SPTBN1: variants seen among roughly 807,000 people sequenced by gnomAD.
SPTBN1 encodes spectrin beta chain, non-erythrocytic 1.
A neutral mutation model predicts 266.4 loss-of-function variants in SPTBN1; 32 were observed. The ratio of observed to expected loss-of-function variants is 0.12; its 90% CI spans 0.09 to 0.16. SPTBN1 has a LOEUF of 0.16. Ranked by LOEUF, SPTBN1 falls within the 10% of genes least tolerant of loss-of-function variation. The pLI is 1.00. For synonymous variants in SPTBN1, 1,336 were observed against 1,162.2 expected, an observed-to-expected ratio of 1.15 and a Z score of -3.04; for missense variants, 2,296 against 3,067.1, an observed-to-expected ratio of 0.75 and a Z score of 5.94.
intron 2 of SPTBN1, chr2:54,557,981 C>A (rs369183972): frequency 3.0e-6 from 3 of 984,950 alleles, no homozygotes; most frequent in East Asian, 2.3e-4. Flanking sequence ...CCTCAGCAGA[C>A]GCTAGAGAGT....
Position 54,664,402 on chromosome 2 carries a change from T to C in SPTBN1, c.6421-51T>C. On this transcript the variant is annotated intron_variant, in intron 32 of 35. Transcript: ENST00000356805. This position sits in a 1 kb window ranked among gnomAD's most constrained non-coding sequence, Gnocchi z 5.6. ...TGCGAGTCAGGTAGAGCGTATGTGG[T>C]CACCCCCATGGCTCACGGAGTTAGC... 1 of 1,565,154 alleles carries C rather than the reference T, an allele frequency of 6.4e-7. No individual in the cohort carries two copies. The highest frequency in any genetic ancestry group is 8.7e-7 in the Non-Finnish European group (1 of 1,144,964).
chr2:54,652,748 G>C (rs556195370), intron 26 of SPTBN1: 1 of 152,160 alleles, frequency 6.6e-6, no homozygotes, highest in Non-Finnish European at 1.5e-5. Context: ...TTGGATTTTT[G>C]CCAACTAATA....
At chr2:54,652,575 A>C (rs1435917405) in intron 26 of SPTBN1, 1 of 152,256 alleles carries the variant, frequency 6.6e-6, no homozygotes, top group Non-Finnish European at 1.5e-5. Flanking sequence ...TAAATATGCA[A>C]GAATGTATAT....
chr2:54,612,151 C>G lies in SPTBN1; in HGVS notation c.301-10C>G, dbSNP rs1048497253. ...GTGATGTGTCTCTACCTCTGCTCTC[C>G]TGTTTCTAGCCTAAACCCACCAAGG... On this transcript the variant is annotated splice_polypyrimidine_tract_variant and intron_variant, in intron 3 of 35. Coordinates refer to ENST00000356805, the MANE Select transcript of SPTBN1 (RefSeq NM_003128.3). The G allele has an allele frequency of 6.3e-7, 1 of 1,580,414 alleles. No individual in the cohort carries two copies. The highest frequency in any genetic ancestry group is 2.3e-5 in the East Asian group (1 of 44,402).
chr2:54,461,149 G>T (rs1693347505), intron 1 of SPTBN1, among the ~76,000 whole-genome samples: 2 of 151,990 alleles, frequency 1.3e-5, no homozygotes, highest in Admixed American at 1.3e-4. Context: ...CTTCTCTATG[G>T]TTTATCCTTT....
rs1294079848 is a variant in SPTBN1 at position 54,631,136 on chromosome 2, C to G, written c.3089C>G (p.Ala1030Gly). ...EKLESEHPDQ[A>G]QAILSRLAEI... ...CTGGAGTCCGAGCACCCCGACCAGG[C>G]CCAGGCCATCCTGTCTCGGCTGGCC... Residue 1030 changes from alanine (A) to glycine (G), a missense_variant, in exon 16 of 36, where the codon GCC (alanine) becomes GGC (glycine). Transcript: ENST00000356805. The G allele has an allele frequency of 6.2e-7, 1 of 1,614,094 alleles. No individual in the cohort carries two copies. The highest frequency in any genetic ancestry group is 1.3e-5 in the African/African-American group (1 of 74,938).
At chr2:54,580,820 G>A (rs60294349) in intron 2 of SPTBN1, among the ~76,000 whole-genome samples, 42,970 of 151,942 alleles carry the variant, frequency 0.28, 7,559 homozygotes, top group Admixed American at 0.35. Context: ...ATTATAGGCC[G>A]GGTGCACTAG....
At chr2:54,607,689 G>A (rs1323580852) in intron 3 of SPTBN1, among the ~76,000 whole-genome samples, 5 of 152,148 alleles carry the variant, frequency 3.3e-5, no homozygotes, top group South Asian at 4.1e-4. Context: ...ATACTGTGCC[G>A]TTTTATATAA....
intron 27 of SPTBN1, 121 bp from the exon 28 acceptor site, chr2:54,654,949 G>C: frequency 7.9e-7 from 1 of 1,268,806 alleles, no homozygotes; most frequent in African/African-American, 1.5e-5. Context: ...ATTCAGACCT[G>C]AAAGACCATC....
chr2:54,571,720 A>G (rs1301509421), intron 2 of SPTBN1, among the ~76,000 whole-genome samples: 1 of 152,142 alleles, frequency 6.6e-6, no homozygotes, highest in East Asian at 1.9e-4. Flanking sequence ...GTATCTCTGT[A>G]TTCCTTCTTA....
chr2:54,572,457 G>T (rs1042292318), intron 2 of SPTBN1, among the ~76,000 whole-genome samples: 2 of 152,182 alleles, frequency 1.3e-5, no homozygotes, highest in Admixed American at 1.3e-4. Context: ...AACAGTGTGA[G>T]TAATGCTTTG....
At chr2:54,596,507 C>G (rs1164742248) in intron 2 of SPTBN1, among the ~76,000 whole-genome samples, 1 of 152,080 alleles carries the variant, frequency 6.6e-6, no homozygotes, top group Admixed American at 6.5e-5. Context: ...CTGGTCTGGT[C>G]CCCGGATGGA....
At chr2:54,484,275 C>G (rs1307893662) in intron 1 of SPTBN1, among the ~76,000 whole-genome samples, 1 of 152,166 alleles carries the variant, frequency 6.6e-6, no homozygotes, top group Non-Finnish European at 1.5e-5. Flanking sequence ...TATCGGGGCC[C>G]TCCTAGGACT....
At chr2:54,658,111 T>C (rs1680797419) in intron 30 of SPTBN1, 65 bp downstream of exon 30, 12 of 1,586,242 alleles carry the variant, frequency 7.6e-6, no homozygotes, top group African/African-American at 1.3e-5. Context: ...TGCTTGCCTC[T>C]TAGACCAGGG....
At chr2:54,542,895 T>C (rs1402932645) in intron 2 of SPTBN1, among the ~76,000 whole-genome samples, 1 of 152,260 alleles carries the variant, frequency 6.6e-6, no homozygotes, top group Non-Finnish European at 1.5e-5. Context: ...GTCACAAATC[T>C]GCAAGGTTTC....
At chr2:54,612,372 C>T (rs373606662) in intron 4 of SPTBN1, 38 bp downstream of exon 4, 53 of 1,576,248 alleles carry the variant, frequency 3.4e-5, no homozygotes, top group South Asian at 1.2e-4. Context: ...GAACTTAGGC[C>T]GACCTCTCAG....
Position 54,650,765 on chromosome 2 carries a change from A to G in SPTBN1, c.5577+776A>G, listed in dbSNP as rs149292276. Among the ~76,000 whole-genome samples the G allele has an allele frequency of 3.2e-4, 48 of 152,360 alleles. No individual in the cohort carries two copies. In the East Asian group the frequency reaches 9.2e-3, roughly 29 times the overall value. ...TTGCAGCTCTGCCCTCTGTCATTGT[A>G]GAATAAAGCAGCCATAGACAGTGAG... On this transcript the variant is annotated intron_variant, in intron 26 of 35. Coordinates refer to ENST00000356805, the MANE Select transcript of SPTBN1 (RefSeq NM_003128.3).
intron 1 of SPTBN1, among the ~76,000 whole-genome samples, chr2:54,514,676 A>G (rs778220906): frequency 2.0e-5 from 3 of 152,192 alleles, no homozygotes; most frequent in Admixed American, 6.5e-5. Flanking sequence ...TGAAATTCTA[A>G]TTCTTTAGTA....
chr2:54,639,279 A>T (rs1352303729), intron 18 of SPTBN1, among the ~76,000 whole-genome samples: 1 of 152,152 alleles, frequency 6.6e-6, no homozygotes. Context: ...CACTGGAGGG[A>T]GTAAAAGGGA....
Sources: allele counts gnomAD v4.1 joint callset (sites outside exome capture counted in the v4.1 genomes callset), GRCh38; gene constraint gnomAD v4.1.1; non-coding constraint Gnocchi (gnomAD v3.1); transcripts MANE v1.5; gene names NCBI Gene and HGNC (gene_info 2026-07-23, HGNC 2026-07-21).